Variants in SEH1L observed in about 807,000 individuals in gnomAD.
SEH1L encodes nucleoporin SEH1.
Under a neutral mutation model 49.5 loss-of-function variants are expected in SEH1L, and 18 were observed. That is an observed-to-expected ratio of 0.36 (90% CI 0.25 to 0.54). The LOEUF (loss-of-function observed/expected upper bound fraction) is 0.54, where lower values mean the gene tolerates loss of function less well. Ranked by LOEUF, SEH1L falls within the 20% of genes least tolerant of loss-of-function variation. SEH1L has a pLI of 0.87. For synonymous variants in SEH1L, 169 were observed against 178.1 expected, an observed-to-expected ratio of 0.95 and a Z score of 0.41; for missense variants, 404 against 528.8, an observed-to-expected ratio of 0.76 and a Z score of 2.31.
At chr18:12,953,916 T>C (rs1195580010) in intron 2 of SEH1L, among the ~76,000 whole-genome samples, 1 of 152,250 alleles carries the variant, frequency 6.6e-6, no homozygotes, top group Non-Finnish European at 1.5e-5. Flanking sequence ...TATTTCAGTT[T>C]CCATTTTATT....
At chr18:12,952,789 T>C (rs577248317) in intron 2 of SEH1L, among the ~76,000 whole-genome samples, 4 of 149,222 alleles carry the variant, frequency 2.7e-5, no homozygotes, top group East Asian at 2.0e-4. Context: ...CTTTTCTTTT[T>C]TTTTTTTTTT....
In SEH1L at chr18:12,987,284, C is replaced by G. The variant is rs2032501304; in HGVS notation, c.*227C>G. 1.1e-5 allele frequency: 4 copies of G among 355,358 alleles called. No individual in the cohort carries two copies. Among genetic ancestry groups the G allele is most frequent in the African/African-American group, 8.4e-5 (4 of 47,422 alleles). 22.0% of individuals were successfully genotyped at this position (355,358 alleles called of 1,614,324 possible). A position where few individuals can be genotyped will look rare whatever the true frequency, so the allele number is the denominator to read the frequency against. ...AACCTTTGATGAAATGAGATATGTC[C>G]AAGTAACGTTAACTGTGAAGTTACA... On this transcript the variant is annotated 3_prime_UTR_variant, in exon 9 of 9. Coordinates refer to ENST00000399892, the MANE Select transcript of SEH1L (RefSeq NM_001013437.2).
chr18:12,955,744 C>T, intron 3 of SEH1L, 135 bp downstream of exon 3: 2 of 885,522 alleles, frequency 2.3e-6, no homozygotes, highest in Non-Finnish European at 3.4e-6. Context: ...GTTCTTTCTT[C>T]CATGTTTTTT....
chr18:12,975,571 C>A (rs1187616865), intron 5 of SEH1L, among the ~76,000 whole-genome samples: 1 of 151,460 alleles, frequency 6.6e-6, no homozygotes, highest in Admixed American at 6.6e-5. Context: ...GGGGTCGAGG[C>A]GGTGGGTGGG....
chr18:12,951,800 T>A, intron 1 of SEH1L, 55 bp from the exon 2 acceptor site: 2 of 1,053,130 alleles, frequency 1.9e-6, no homozygotes, highest in Admixed American at 4.1e-5. Flanking sequence ...TTATAGTTTT[T>A]GTATCAATTT....
At chr18:12,985,026 C>A in intron 8 of SEH1L, 1 of 420,240 alleles carries the variant, frequency 2.4e-6, no homozygotes, top group Non-Finnish European at 4.1e-6. Flanking sequence ...TTCAGGTTAC[C>A]GTGGAAGATA....
chr18:12,978,989 A>G lies in SEH1L; in HGVS notation c.761+97A>G, dbSNP rs1568227610. The G allele has an allele frequency of 4.4e-6, 5 of 1,141,646 alleles. No individual in the cohort carries two copies. The Admixed American group carries it at 6.8e-5, about 16-fold the overall frequency. 70.7% of individuals were successfully genotyped at this position (1,141,646 alleles called of 1,614,324 possible). On this transcript the variant is annotated intron_variant, in intron 6 of 8. Transcript: ENST00000399892. ...AGTAGAGGTAACTATGATTTGGTTT[A>G]TATTTCTGCTCTGGAAGTTTTACTT...
At chr18:12,957,823 C>G (rs978248047) in intron 3 of SEH1L, among the ~76,000 whole-genome samples, 2 of 152,112 alleles carry the variant, frequency 1.3e-5, no homozygotes, top group Admixed American at 1.3e-4. Context: ...CTCAAGTGAT[C>G]CTCCCACCTT....
At chr18:12,948,848 CTTTTTTTTTTT>C (rs920060634) in intron 1 of SEH1L, 1 of 132,058 alleles carries the variant, frequency 7.6e-6, no homozygotes, top group African/African-American at 2.8e-5. Context: ...AATTTCTTTT[CTTTTTTTTTTT>C]TTTTTTTTGA....
intron 1 of SEH1L, 171 bp downstream of exon 1, chr18:12,948,403 G>T (rs1450655321): frequency 5.9e-6 from 3 of 508,154 alleles, no homozygotes; most frequent in Non-Finnish European, 1.0e-5. Context: ...GCGTATTGTG[G>T]GGTCACGGCG....
At position 12,978,787 on chromosome 18, in the gene SEH1L, C is replaced by T. The variant is rs1237893129; in HGVS notation, c.656C>T (p.Thr219Ile). ...AAAGCTGAAACTCTTATGACAGTCA[C>T]TGATCCTGTTCATGATATTGCATTC... is the stretch of plus-strand genomic sequence containing the variant. ...YAKAETLMTVTDPVHDIAFAP... is the reference protein window; with the variant it reads ...YAKAETLMTVIDPVHDIAFAP... Residue 219 changes from threonine to isoleucine, a missense_variant, in exon 6 of 9, where the codon ACT becomes ATT. Physicochemically the swap from Thr to Ile is moderately conservative, Grantham distance 89 (BLOSUM62 -1). This residue lies in a region of SEH1L where 342 missense variants were observed against 430.8 expected (regional missense o/e 0.79). Transcript: ENST00000399892. 3.7e-6 allele frequency: 6 copies of T among 1,613,512 alleles called. No homozygotes were observed. The highest frequency in any genetic ancestry group is 5.1e-6 in the Non-Finnish European group (6 of 1,179,476).
rs181342219 is a variant in SEH1L, at chr18:12,966,338, G to A, written c.521+2967G>A. On this transcript the variant is annotated intron_variant, in intron 4 of 8. Transcript: ENST00000399892. ...AACTCCTGAGCTCAGGTGATTTGCC[G>A]GCCTCGGCCTCCCAAAGTGTTGGGA... is the stretch of plus-strand genomic sequence containing the variant. 3.3e-5 allele frequency among the ~76,000 whole-genome samples: 5 copies of A among 151,914 alleles called. No individual in the cohort carries two copies. In the East Asian group the frequency reaches 7.7e-4, roughly 24 times the overall value.
chr18:12,986,049 A>G (rs765618012), intron 8 of SEH1L: 389 of 980,472 alleles, frequency 4.0e-4, no homozygotes, highest in Non-Finnish European at 4.7e-4. Flanking sequence ...CTTCAAATCA[A>G]AATTTGGACA....
intron 2 of SEH1L, 53 bp from the exon 3 acceptor site, chr18:12,955,410 A>G: frequency 1.3e-6 from 2 of 1,514,574 alleles, no homozygotes; most frequent in Non-Finnish European, 1.8e-6. Context: ...GGAAAAAAGA[A>G]GCCCTGGGAT....
At chr18:12,980,423 ACCCCCCAACC>A (rs1568229234) in intron 6 of SEH1L, among the ~76,000 whole-genome samples, 668 of 61,270 alleles carry the variant, frequency 0.011, 103 homozygotes, top group East Asian at 0.019. Context: ...CGGGGGGCTG[ACCCCCCAACC>A]TCCCTCCCGG....
intron 5 of SEH1L, 98 bp from the exon 6 acceptor site, chr18:12,978,654 T>A: frequency 2.0e-6 from 2 of 979,124 alleles, no homozygotes; most frequent in Non-Finnish European, 3.1e-6. Flanking sequence ...GAGCACTACA[T>A]GATTGTGAGC....
intron 1 of SEH1L, among the ~76,000 whole-genome samples, chr18:12,949,460 T>G (rs563120477): frequency 0.016 from 2,058 of 127,904 alleles, 85 homozygotes; most frequent in East Asian, 0.089. Context: ...TTTTTTTTTT[T>G]TTTTTTTTTT....
intron 6 of SEH1L, among the ~76,000 whole-genome samples, chr18:12,980,215 C>T (rs1223938689): frequency 1.6e-3 from 184 of 117,026 alleles, no homozygotes; most frequent in African/African-American, 2.4e-3. Flanking sequence ...GGGGGGCTGA[C>T]CCCCCCACCT....
At chr18:12,954,147 A>G (rs1286611045) in intron 2 of SEH1L, among the ~76,000 whole-genome samples, 1 of 152,250 alleles carries the variant, frequency 6.6e-6, no homozygotes, top group Non-Finnish European at 1.5e-5. Flanking sequence ...TATTGGTTAA[A>G]CTATTTTTAT....
Sources: gnomAD v4.1 joint callset for allele counts (sites outside exome capture counted in the v4.1 genomes callset) on GRCh38, gnomAD v4.1.1 for gene constraint, gnomAD v4.1.1 regional missense constraint, MANE v1.5 for transcripts, NCBI Gene and HGNC (gene_info 2026-07-23, HGNC 2026-07-21) for gene names.